The following NEMF variants were observed in gnomAD, a reference collection of about 807,000 sequenced individuals.
NEMF encodes ribosome quality control complex subunit NEMF.
A neutral mutation model predicts 162.2 loss-of-function variants in NEMF; 89 were observed. That is an observed-to-expected ratio of 0.55 (90% CI 0.46 to 0.65). The LOEUF is 0.65. NEMF is among the 30% of genes least tolerant of loss of function. The pLI, the probability that NEMF is intolerant of heterozygous loss-of-function variation, is 0.00. For missense variants in NEMF, 1,133 were observed against 1,261.9 expected (o/e 0.90, Z 1.55); for synonymous variants, 421 against 404.5 (o/e 1.04, Z -0.49).
Position 49,783,295 on chromosome 14 carries a change from AGAT to A in NEMF, c.*1338_*1340del. ...TGAAGTCATTTTTTGAAAACATTAT[AGAT>A]TTTTTTTTTTTTAATGGCAAGAGTA... On this transcript the variant is annotated 3_prime_UTR_variant, in exon 33 of 33. Transcript: ENST00000298310. 1 of 20,634 alleles carries A rather than the reference AGAT, an allele frequency of 4.8e-5. No individual in the cohort carries two copies. Among genetic ancestry groups the A allele is most frequent in the Non-Finnish European group, 7.5e-5 (1 of 13,366 alleles). 1.3% of individuals were successfully genotyped at this position (20,634 alleles called of 1,614,324 possible).
intron 16 of NEMF, among the ~76,000 whole-genome samples, chr14:49,824,354 CAAGT>C (rs1892233613): frequency 6.6e-6 from 1 of 151,652 alleles, no homozygotes; most frequent in South Asian, 2.1e-4. Flanking sequence ...ACCAGGGTGG[CAAGT>C]AAGGTGAAAC....
Position 49,800,665 on chromosome 14 carries a change from T to C in NEMF, c.2127A>G (p.Lys709=). ...DGGDTSSDED[K]EEHETPVEVE... is the part of the protein sequence containing the mutation. ...CTTCCACAGGAGTTTCATGTTCTTC[T>C]TTATCCTCATCACTGCTCGTGTCAC... is the stretch of plus-strand genomic sequence containing the variant. Residue 709 remains lysine (K), a synonymous_variant, in exon 23 of 33, where the codon AAA becomes AAG. Coordinates refer to ENST00000298310, the MANE Select transcript of NEMF (RefSeq NM_004713.6). 6.2e-7 allele frequency: 1 copy of C among 1,613,966 alleles called. No homozygotes were observed. The highest frequency in any genetic ancestry group is 8.5e-7 in the Non-Finnish European group (1 of 1,179,976).
At chr14:49,786,852 G>C (rs1245008419) in intron 28 of NEMF, 102 bp from the exon 29 acceptor site, 2 of 1,087,288 alleles carry the variant, frequency 1.8e-6, no homozygotes, top group South Asian at 1.4e-5. Flanking sequence ...CAACCAGACT[G>C]TCATTTCTGA....
chr14:49,829,387 C>G lies in NEMF; in HGVS notation c.985G>C (p.Asp329His). The G allele has an allele frequency of 6.2e-7, 1 of 1,614,106 alleles. No individual in the cohort carries two copies. The part of the protein sequence containing the change: ...ALKKLDNVRK[D>H]HENRLEALQQ... Reference sequence around the variant, plus strand: ...AGAGCTTCCAATCTGTTTTCGTGATCCTTTCGAACATTATCTAATTTCTTC... The same window carrying G: ...AGAGCTTCCAATCTGTTTTCGTGATGCTTTCGAACATTATCTAATTTCTTC... Residue 329 changes from aspartate to histidine, a missense_variant, in exon 12 of 33, where the codon GAT becomes CAT. Physicochemically the swap from Asp to His is moderately conservative, Grantham distance 81 (BLOSUM62 -1). Transcript: ENST00000298310.
chr14:49,817,545 TAGA>T (rs1408151401), intron 16 of NEMF, among the ~76,000 whole-genome samples: 3 of 152,150 alleles, frequency 2.0e-5, no homozygotes, highest in African/African-American at 7.2e-5. Flanking sequence ...AGTTACAAGT[TAGA>T]AGGACATTTC....
chr14:49,802,702 T>C lies in NEMF; in HGVS notation c.1941A>G (p.Ser647=), dbSNP rs763788048. 17 of 1,611,566 alleles carry C rather than the reference T, an allele frequency of 1.1e-5. No homozygotes were observed. The highest frequency in any genetic ancestry group is 1.4e-5 in the Non-Finnish European group (17 of 1,178,614). ...IRGKKNFLPP[S]YLMMGFSFLF... ...GGAAGCTAAACCCCATCATTAGATATGAGGGAGGAAGAAAATTCTTTTTTC... is the reference window on the plus strand; with the variant it reads ...GGAAGCTAAACCCCATCATTAGATACGAGGGAGGAAGAAAATTCTTTTTTC... The change falls in exon 21 of 33, where the codon TCA becomes TCG. Residue 647 remains serine, a synonymous_variant. Coordinates refer to ENST00000298310, the MANE Select transcript of NEMF (RefSeq NM_004713.6).
rs746570118 is a variant in NEMF at position 49,782,775 on chromosome 14, T to A, written c.*1861A>T. 4.4e-6 allele frequency: 7 copies of A among 1,575,508 alleles called. No individual in the cohort carries two copies. The highest frequency in any genetic ancestry group is 4.3e-6 in the Non-Finnish European group (5 of 1,159,372). The stretch of plus-strand genomic sequence containing the variant: ...TGTTTTATGTAGTTTTTCAAGTGAA[T>A]GTACTTCCAAACAGTAAAGTGAAAT... On this transcript the variant is annotated 3_prime_UTR_variant, in exon 33 of 33. Coordinates refer to ENST00000298310, the MANE Select transcript of NEMF (RefSeq NM_004713.6).
chr14:49,828,178 G>C, intron 15 of NEMF, 113 bp downstream of exon 15: 2 of 811,102 alleles, frequency 2.5e-6, no homozygotes, highest in Non-Finnish European at 4.2e-6. Flanking sequence ...GCAAAGTTAA[G>C]TTTGAAAGAT....
chr14:49,828,334 T>C lies in NEMF; in HGVS notation c.1445A>G (p.Tyr482Cys), dbSNP rs1374903031. 5 of 1,598,796 alleles carry C rather than the reference T, an allele frequency of 3.1e-6. No individual in the cohort carries two copies. In the Admixed American group the frequency reaches 6.8e-5, roughly 22 times the overall value. ...AGTCTTTTGTGTTTTCTTAGCAGCATATCTCTTGTGATCATAATACCTAGA... is the reference window on the plus strand; with the variant it reads ...AGTCTTTTGTGTTTTCTTAGCAGCACATCTCTTGTGATCATAATACCTAGA... ...NAKKYYDHKR[Y>C]AAKKTQKTVE... Residue 482 changes from tyrosine to cysteine, a missense_variant, in exon 15 of 33, where the codon TAT becomes TGT. Tyr to Cys is a radical substitution (Grantham distance 194, BLOSUM62 -2). Coordinates refer to ENST00000298310, the MANE Select transcript of NEMF (RefSeq NM_004713.6).
intron 6 of NEMF, among the ~76,000 whole-genome samples, chr14:49,836,819 C>T (rs1053294350): frequency 6.6e-6 from 1 of 152,100 alleles, no homozygotes; most frequent in Non-Finnish European, 1.5e-5. Context: ...TAATGAGATA[C>T]CTTGGGGATG....
chr14:49,820,622 C>G (rs1177693301), intron 16 of NEMF, among the ~76,000 whole-genome samples: 2 of 151,974 alleles, frequency 1.3e-5, no homozygotes, highest in East Asian at 2.0e-4. Context: ...ACAAAATCCC[C>G]TCTCCCCTCT....
rs148661481 is a variant in NEMF, at chr14:49,836,868, C to T, written c.574+1271G>A. Among the ~76,000 whole-genome samples the T allele has an allele frequency of 2.0e-3, 311 of 152,200 alleles. 2 individuals carry two copies. Among genetic ancestry groups the T allele is most frequent in the Middle Eastern group, 3.4e-3 (1 of 294 alleles). ...AACACAAAATTCATTTATGACTTTA[C>T]GCAATATAGCCTGGAGGTGATTTTA... On this transcript the variant is annotated intron_variant, in intron 6 of 32. Transcript: ENST00000298310.
intron 4 of NEMF, among the ~76,000 whole-genome samples, chr14:49,844,322 T>A (rs1893363115): frequency 6.6e-6 from 1 of 152,048 alleles, no homozygotes; most frequent in Non-Finnish European, 1.5e-5. Flanking sequence ...CACGCTCCTA[T>A]AAGAATCTAA....
chr14:49,832,516 G>C (rs559077582), intron 8 of NEMF, among the ~76,000 whole-genome samples: 19 of 151,450 alleles, frequency 1.3e-4, no homozygotes, highest in African/African-American at 4.4e-4. Flanking sequence ...ATTTTTAGTA[G>C]AGACAGGGGT....
At chr14:49,831,710 T>C (rs1207315745) in intron 10 of NEMF, among the ~76,000 whole-genome samples, 2 of 152,148 alleles carry the variant, frequency 1.3e-5, no homozygotes, top group African/African-American at 4.8e-5. Context: ...ATGCTGAGAT[T>C]ATAGGCATGA....
intron 6 of NEMF, among the ~76,000 whole-genome samples, chr14:49,837,329 T>C (rs1892953963): frequency 6.6e-6 from 1 of 152,038 alleles, no homozygotes; most frequent in African/African-American, 2.4e-5. Context: ...GTTCAACCTG[T>C]ACTACCTGAT....
intron 28 of NEMF, among the ~76,000 whole-genome samples, chr14:49,787,590 A>G (rs1039884822): frequency 6.6e-6 from 1 of 152,156 alleles, no homozygotes; most frequent in Non-Finnish European, 1.5e-5. Context: ...ATGACAGAAG[A>G]GCCCTCGTGA....
intron 17 of NEMF, 113 bp from the exon 18 acceptor site, chr14:49,814,163 G>A (rs1318416450): frequency 1.1e-5 from 7 of 629,562 alleles, no homozygotes; most frequent in African/African-American, 7.6e-5. Flanking sequence ...GCAGTGGCAC[G>A]ATTTCAGCTC....
chr14:49,841,283 T>C (rs1419819753), intron 4 of NEMF, among the ~76,000 whole-genome samples: 1 of 144,644 alleles, frequency 6.9e-6, no homozygotes, highest in African/African-American at 2.6e-5. Flanking sequence ...TACTTAAAAA[T>C]TGAGAAAGAA....
Sources: gnomAD v4.1 joint callset for allele counts (sites outside exome capture counted in the v4.1 genomes callset) on GRCh38, gnomAD v4.1.1 for gene constraint, MANE v1.5 for transcripts, NCBI Gene and HGNC (gene_info 2026-07-23, HGNC 2026-07-21) for gene names.